The following MYH7B variants were observed in gnomAD, a reference collection of about 807,000 sequenced individuals.
The protein encoded by MYH7B is myosin heavy chain 7B, also known as myosin-7B.
In MYH7B, 205 loss-of-function variants were observed where a neutral mutation model predicts 234.5. The observed-to-expected ratio is 0.87, with a 90% CI of 0.78 to 0.98. The LOEUF is 0.98. Ranked by LOEUF, MYH7B falls within the 50% of genes least tolerant of loss-of-function variation. The pLI is 0.00. For missense variants in MYH7B, 2,652 were observed against 2,633.4 expected (o/e 1.01, Z -0.15); for synonymous variants, 1,193 against 1,105.0 (o/e 1.08, Z -1.58).
chr20:34,987,831 C>T (rs759436047), exon 18 of MYH7B: 15 of 1,613,720 alleles, frequency 9.3e-6, no homozygotes, highest in Middle Eastern at 1.6e-4. Context: ...GCTGGTGTCT[C>T]GGATCAACCA....
At chr20:34,988,059 A>G (rs753117632) in intron 18 of MYH7B, 33 bp from the exon 19 acceptor site, 1 of 1,595,210 alleles carries the variant, frequency 6.3e-7, no homozygotes, top group Non-Finnish European at 8.6e-7. Flanking sequence ...CATCTGCGAG[A>G]GGTCTGCTGA....
Position 34,998,391 on chromosome 20 carries a change from A to AG in MYH7B, c.3844_3845insG (p.Thr1282SerfsTer67). 6 of 1,613,446 alleles carry AG rather than the reference A, an allele frequency of 3.7e-6. No individual in the cohort carries two copies. Among genetic ancestry groups the AG allele is most frequent in the Non-Finnish European group, 5.1e-6 (6 of 1,179,994 alleles). On this transcript the variant is annotated frameshift_variant, in exon 33 of 45. Coordinates refer to ENST00000262873, the Ensembl canonical transcript of MYH7B. LOFTEE classifies it high-confidence loss of function. ...GCAGCGGCAGCTGGCGGACGCAAGCACGCAGCGTGGGCGACTACAGACGGA... is the reference window on the plus strand; with the variant it reads ...GCAGCGGCAGCTGGCGGACGCAAGCAGCGCAGCGTGGGCGACTACAGACGGA...
At chr20:34,990,201 C>T (rs1046969831) in intron 21 of MYH7B, 33 bp from the exon 22 acceptor site, 2 of 1,614,098 alleles carry the variant, frequency 1.2e-6, no homozygotes, top group Non-Finnish European at 1.7e-6. Flanking sequence ...GAGCGACATT[C>T]CCTGGAGTGA....
chr20:34,992,146 G>A (rs2082162675), intron 24 of MYH7B, among the ~76,000 whole-genome samples: 1 of 152,202 alleles, frequency 6.6e-6, no homozygotes, highest in South Asian at 2.1e-4. Context: ...AGCACTTTGG[G>A]AGGCCGAGGC....
At chr20:34,969,794 C>A (rs889464784) in intron 2 of MYH7B, among the ~76,000 whole-genome samples, 10 of 152,038 alleles carry the variant, frequency 6.6e-5, no homozygotes, top group African/African-American at 2.4e-4. Context: ...ATCTGCCTGC[C>A]TCGGCCTCCC....
intron 22 of MYH7B, 46 bp from the exon 23 acceptor site, chr20:34,990,692 T>A (rs1401218362): frequency 6.3e-7 from 1 of 1,586,092 alleles, no homozygotes; most frequent in Non-Finnish European, 8.7e-7. Context: ...CCAATTCTGG[T>A]TCTCTGCCCC....
exon 17 of MYH7B, chr20:34,987,664 A>T (rs572221602): frequency 3.1e-6 from 5 of 1,612,736 alleles, no homozygotes; most frequent in South Asian, 1.1e-5. Context: ...CAAGGGCCAG[A>T]GTGTGGAGCA....
At chr20:34,965,677 G>A (rs1343927224) in intron 2 of MYH7B, among the ~76,000 whole-genome samples, 1 of 152,244 alleles carries the variant, frequency 6.6e-6, no homozygotes, top group East Asian at 1.9e-4. Context: ...AACCTTTATA[G>A]AAAGGACCTA....
At chr20:34,996,858 G>C in intron 30 of MYH7B, 100 bp downstream of exon 30, 1 of 1,507,000 alleles carries the variant, frequency 6.6e-7, no homozygotes, top group Non-Finnish European at 8.9e-7. Context: ...CAGAGGTTAA[G>C]GGTGGGGGTT....
chr20:34,990,359 C>G, intron 22 of MYH7B, 49 bp downstream of exon 22: 1 of 1,604,650 alleles, frequency 6.2e-7, no homozygotes, highest in Non-Finnish European at 8.5e-7. Context: ...AGCCTCCAGC[C>G]CCGTCCTTCA....
chr20:34,992,584 G>T (rs1321807033), intron 24 of MYH7B, among the ~76,000 whole-genome samples: 1 of 119,310 alleles, frequency 8.4e-6, no homozygotes, highest in Non-Finnish European at 1.7e-5. Flanking sequence ...TTTTTGAGAC[G>T]GAGTCTTGCT....
At chr20:34,979,798 G>T (rs1256449067) in exon 7 of MYH7B, 2 of 1,613,436 alleles carry the variant, frequency 1.2e-6, no homozygotes, top group East Asian at 4.5e-5. Context: ...CCCGCTGGAT[G>T]ATCTATGTGA....
chr20:34,996,416 C>A, exon 29 of MYH7B: 3 of 1,613,150 alleles, frequency 1.9e-6, no homozygotes, highest in Non-Finnish European at 2.5e-6. Flanking sequence ...GAGAAGAAGG[C>A]GTTGCAGGAG....
exon 20 of MYH7B, chr20:34,989,791 T>C (rs2081316839): frequency 2.5e-6 from 4 of 1,614,138 alleles, no homozygotes; most frequent in Non-Finnish European, 3.4e-6. Context: ...CCCCAAGGCC[T>C]CAGACGCCAG....
chr20:35,001,913 C>T (rs1323653568), intron 43 of MYH7B, 35 bp from the exon 44 acceptor site: 1 of 1,598,210 alleles, frequency 6.3e-7, no homozygotes, highest in South Asian at 1.1e-5. Context: ...ATCTCAGTCA[C>T]CCAAGCGGAA....
Position 34,982,902 on chromosome 20 carries a change from T to C in MYH7B, c.624+347T>C, listed in dbSNP as rs561021280. Among the ~76,000 whole-genome samples, 106 of 152,362 alleles carry C rather than the reference T, an allele frequency of 7.0e-4. 1 individual carries two copies. Among genetic ancestry groups the C allele is most frequent in the African/African-American group, 2.4e-3 (101 of 41,580 alleles). On this transcript the variant is annotated intron_variant, in intron 10 of 44. Transcript: ENST00000262873. ...TTTACTAAGCGTTGTTGTCTTGGTT[T>C]CCCTGACAGTTACCTGCTGCTGACA...
chr20:34,980,807 C>T, intron 8 of MYH7B, 73 bp downstream of exon 8: 3 of 1,579,690 alleles, frequency 1.9e-6, no homozygotes, highest in South Asian at 1.1e-5. Flanking sequence ...TAAGGGACCC[C>T]CTTCCCCCAC....
intron 9 of MYH7B, 157 bp downstream of exon 9, chr20:34,981,217 A>C: frequency 3.5e-6 from 3 of 867,054 alleles, no homozygotes; most frequent in Non-Finnish European, 5.4e-6. Context: ...ATTAGGCCTG[A>C]GCACTTTCCC....
intron 3 of MYH7B, among the ~76,000 whole-genome samples, chr20:34,976,980 C>T (rs1451303120): frequency 6.6e-6 from 1 of 152,112 alleles, no homozygotes; most frequent in Non-Finnish European, 1.5e-5. Context: ...TGCCCTATAC[C>T]CTGAGTAGAG....
Sources: allele counts gnomAD v4.1 joint callset (sites outside exome capture counted in the v4.1 genomes callset), GRCh38; gene constraint gnomAD v4.1.1; transcripts MANE v1.5; gene names NCBI Gene and HGNC (gene_info 2026-07-23, HGNC 2026-07-21).